Variants in VGLL1 observed in about 807,000 individuals in gnomAD.
The protein encoded by VGLL1 is vestigial like family member 1.
In VGLL1, 4 loss-of-function variants were observed where a neutral mutation model predicts 12.0. That is an observed-to-expected ratio of 0.33 (90% CI 0.16 to 0.76). VGLL1 has a LOEUF of 0.76. VGLL1 is among the 30% of genes least tolerant of loss of function. The pLI is 0.60. For missense variants in VGLL1, 204 were observed against 208.7 expected (o/e 0.98, Z 0.14); for synonymous variants, 87 against 81.2 (o/e 1.07, Z -0.39).
At chrX:136,537,029 A>G (rs886206127) in intron 2 of VGLL1, among the ~76,000 whole-genome samples, 1 of 112,398 alleles carries the variant, frequency 8.9e-6, no homozygotes, top group African/African-American at 3.2e-5. Flanking sequence ...ATTTATTTCC[A>G]TAAATGGAAA....
intron 3 of VGLL1, 112 bp downstream of exon 3, chrX:136,549,120 G>A: frequency 1.3e-6 from 1 of 780,176 alleles, no homozygotes; most frequent in African/African-American, 2.1e-5. Context: ...TGGACATAGG[G>A]CTGCTGAGGG....
chrX:136,534,482 T>C (rs2075834290), intron 1 of VGLL1, among the ~76,000 whole-genome samples: 1 of 112,430 alleles, frequency 8.9e-6, no homozygotes, highest in South Asian at 3.6e-4. Flanking sequence ...ATTGGTAGTT[T>C]GTTTGTTTGT....
At chrX:136,540,514 A>G (rs1423441486) in intron 2 of VGLL1, among the ~76,000 whole-genome samples, 2 of 111,144 alleles carry the variant, frequency 1.8e-5, no homozygotes, top group Non-Finnish European at 3.8e-5. Context: ...TGTCTGAGCA[A>G]CCTATTTAAA....
Position 136,536,075 on chromosome X carries a change from A to G in VGLL1, c.55A>G (p.Ile19Val). 8.3e-7 allele frequency: 1 copy of G among 1,211,829 alleles called. No individual in the cohort carries two copies. Among genetic ancestry groups the G allele is most frequent in the Non-Finnish European group, 1.1e-6 (1 of 895,560 alleles). ...IRLPKGKQKP[I>V]KTEWNSRCVL... ...GCTGCCCAAAGGCAAACAGAAGCCT[A>G]TAAAGACGGAATGGAATTCCCGGTG... Residue 19 changes from isoleucine to valine, a missense_variant, in exon 2 of 5, where the codon ATA (isoleucine) becomes GTA (valine). Transcript: ENST00000370634.
Position 136,542,562 on chromosome X carries a change from C to T in VGLL1, c.215-6027C>T, listed in dbSNP as rs779545939. Among the ~76,000 whole-genome samples, 5 of 112,681 alleles carry T rather than the reference C, an allele frequency of 4.4e-5. No homozygotes were observed. The Admixed American group carries it at 4.7e-4, about 11-fold the overall frequency. Reference sequence around the variant, plus strand: ...TTACTCGAGCTGGGTGCTCATTACCCAGTTTATGAAAATTCCCCCAGCTGC... The same window carrying T: ...TTACTCGAGCTGGGTGCTCATTACCTAGTTTATGAAAATTCCCCCAGCTGC... On this transcript the variant is annotated intron_variant, in intron 2 of 4. Transcript: ENST00000370634.
chrX:136,539,509 G>T (rs746247548), intron 2 of VGLL1, among the ~76,000 whole-genome samples: 2 of 111,200 alleles, frequency 1.8e-5, no homozygotes, highest in East Asian at 5.7e-4. Context: ...CTCTCTCCTC[G>T]TGAAATACCT....
chrX:136,546,031 T>C (rs1457815566), intron 2 of VGLL1, among the ~76,000 whole-genome samples: 1 of 111,482 alleles, frequency 9.0e-6, no homozygotes, highest in Non-Finnish European at 1.9e-5. Flanking sequence ...TTTGTACTCC[T>C]GCTGAAAGAA....
At chrX:136,549,119 G>A (rs2075878472) in intron 3 of VGLL1, 111 bp downstream of exon 3, 2 of 771,971 alleles carry the variant, frequency 2.6e-6, no homozygotes, top group East Asian at 3.4e-5. Flanking sequence ...CTGGACATAG[G>A]GCTGCTGAGG....
intron 4 of VGLL1, among the ~76,000 whole-genome samples, chrX:136,551,690 G>A (rs1252550460): frequency 9.0e-6 from 1 of 111,558 alleles, no homozygotes; most frequent in Non-Finnish European, 1.9e-5. Context: ...ATAATGGCTG[G>A]CACATTACTC....
At chrX:136,552,881 T>C (rs747670002) in intron 4 of VGLL1, among the ~76,000 whole-genome samples, 1 of 111,878 alleles carries the variant, frequency 8.9e-6, no homozygotes, top group Non-Finnish European at 1.9e-5. Flanking sequence ...GAGTTCACTG[T>C]CTATCTGGGA....
In VGLL1 at chrX:136,532,362, T is replaced by C. The variant is rs762468296; in HGVS notation, c.-26+66T>C. The C allele has an allele frequency of 2.7e-5, 3 of 111,116 alleles. No individual in the cohort carries two copies. In the South Asian group the frequency reaches 1.1e-3, roughly 42 times the overall value. The allele number at this position is 111,116 out of a possible 1,213,427, so 9.2% of individuals were successfully genotyped here. A position where few individuals can be genotyped will look rare whatever the true frequency, so the allele number is the denominator to read the frequency against. On this transcript the variant is annotated intron_variant, in intron 1 of 4. Transcript: ENST00000370634. ...AAACTTAACTGGGAAGAAATGGGGG[T>C]AGTCATCAAATACTTTGCTCAATGA...
chrX:136,547,970 CCCCTTCCCTTCCTTT>C (rs748081300), intron 2 of VGLL1, among the ~76,000 whole-genome samples: 63 of 111,091 alleles, frequency 5.7e-4, no homozygotes, highest in Non-Finnish European at 7.8e-4. Context: ...TTTGGCTCTC[CCCCTTCCCTTCCTTT>C]CCCTTCCCTT....
chrX:136,545,745 G>A (rs751018036), intron 2 of VGLL1, among the ~76,000 whole-genome samples: 14 of 111,303 alleles, frequency 1.3e-4, no homozygotes, highest in Non-Finnish European at 2.1e-4. Context: ...CTGGAATGGC[G>A]GCAAACTCAT....
chrX:136,547,458 A>T (rs776181893), intron 2 of VGLL1, among the ~76,000 whole-genome samples: 86 of 111,855 alleles, frequency 7.7e-4, no homozygotes, highest in African/African-American at 2.5e-3. Flanking sequence ...TCACCTCTTG[A>T]CCCTCAGAAT....
chrX:136,550,502 G>A lies in VGLL1; in HGVS notation c.635-266G>A. 1.0e-5 allele frequency: 3 copies of A among 290,131 alleles called. No homozygotes were observed. In the Admixed American group the frequency reaches 1.9e-4, roughly 18 times the overall value. The allele number at this position is 290,131 out of a possible 1,213,427, so 23.9% of individuals were successfully genotyped here. ...ACCAAGGTCTTCATGCTCTACTCAT[G>A]TTGACATGAGTTGTATTAATTGGTG... On this transcript the variant is annotated intron_variant, in intron 3 of 4. Coordinates refer to ENST00000370634, the MANE Select transcript of VGLL1 (RefSeq NM_016267.4).
chrX:136,552,542 GTGT>G (rs753626990), intron 4 of VGLL1, among the ~76,000 whole-genome samples: 1 of 112,312 alleles, frequency 8.9e-6, no homozygotes, highest in Non-Finnish European at 1.9e-5. Flanking sequence ...CATGTATTGG[GTGT>G]TGACTATGAG....
chrX:136,546,522 A>T (rs993565562), intron 2 of VGLL1, among the ~76,000 whole-genome samples: 3 of 112,501 alleles, frequency 2.7e-5, no homozygotes, highest in East Asian at 5.6e-4. Flanking sequence ...GTGACCATAT[A>T]GGACTTTGGG....
In VGLL1 at chrX:136,553,747, G is replaced by T. The variant is rs927846295; in HGVS notation, c.689-2704G>T. Among the ~76,000 whole-genome samples, 5 of 112,049 alleles carry T rather than the reference G, an allele frequency of 4.5e-5. No individual in the cohort carries two copies. The East Asian group carries it at 1.1e-3, about 25-fold the overall frequency. ...GAAAAATATTTGTCAAGGAAGGGAGGCAGAGTCTCCTCCTGCCCCTCCGAT... is the reference window on the plus strand; with the variant it reads ...GAAAAATATTTGTCAAGGAAGGGAGTCAGAGTCTCCTCCTGCCCCTCCGAT... On this transcript the variant is annotated intron_variant, in intron 4 of 4. Transcript: ENST00000370634.
chrX:136,552,151 A>C (rs751065661), intron 4 of VGLL1, among the ~76,000 whole-genome samples: 1 of 112,528 alleles, frequency 8.9e-6, no homozygotes, highest in East Asian at 2.8e-4. Context: ...AAACAATAAA[A>C]GAGCATTTAA....
Sources: allele counts gnomAD v4.1 joint callset (sites outside exome capture counted in the v4.1 genomes callset), GRCh38; gene constraint gnomAD v4.1.1; transcripts MANE v1.5; gene names NCBI Gene and HGNC (gene_info 2026-07-23, HGNC 2026-07-21).